The following DYNC2I2 variants were observed in gnomAD, a reference collection of about 807,000 sequenced individuals.
DYNC2I2 encodes the protein cytoplasmic dynein 2 intermediate chain 2.
DYNC2I2 carries 39 observed loss-of-function variants against 52.0 expected under a neutral mutation model. That is an observed-to-expected ratio of 0.75 (90% confidence interval 0.58 to 0.98). The LOEUF (loss-of-function observed/expected upper bound fraction) is 0.98, where lower values mean the gene tolerates loss of function less well. Ranked by LOEUF, DYNC2I2 falls within the 50% of genes least tolerant of loss-of-function variation. The pLI is 0.00. For missense variants in DYNC2I2, 743 were observed against 728.4 expected (o/e 1.02, Z -0.23); for synonymous variants, 359 against 321.1 (o/e 1.12, Z -1.26).
chr9:128,682,418 T>TAGCATAAGCTA, the DYNC2I2 span, among the ~76,000 whole-genome samples: 1 of 152,086 alleles, frequency 6.6e-6, no homozygotes, highest in Non-Finnish European at 1.5e-5. Flanking sequence ...GGCTTATGCC[T>TAGCATAAGCTA]GTAATACTAG....
At chr9:128,663,265 C>A in the DYNC2I2 span, 1 of 152,172 alleles carries the variant, frequency 6.6e-6, no homozygotes, top group Non-Finnish European at 1.5e-5. Flanking sequence ...TACAGTGGAA[C>A]AACGTGGCCC....
At position 128,633,848 on chromosome 9, in the gene DYNC2I2, C is replaced by T. The variant is rs1213298497; in HGVS notation, c.1507G>A (p.Ala503Thr). The T allele has an allele frequency of 6.2e-7, 1 of 1,613,614 alleles. No individual in the cohort carries two copies. The highest frequency in any genetic ancestry group is 8.5e-7 in the Non-Finnish European group (1 of 1,180,048). ...TGCCACACCTTCACTGTGCCCTGGG[C>T]ATCGCCCGCAGCCAAGAGCTGAGTC... ...QQTQLLAAGD[A>T]QGTVKVWQLS... The change falls in exon 9 of 9, where the codon GCC (alanine) becomes ACC (threonine). Residue 503 changes from alanine (A) to threonine (T), a missense_variant. Physicochemically the swap from Ala to Thr is moderately conservative, Grantham distance 58 (BLOSUM62 0). Coordinates refer to ENST00000372715, the MANE Select transcript of DYNC2I2 (RefSeq NM_052844.4).
chr9:128,681,885 C>G, the DYNC2I2 span, among the ~76,000 whole-genome samples: 1 of 152,122 alleles, frequency 6.6e-6, no homozygotes, highest in Admixed American at 6.6e-5. Flanking sequence ...CCAGCCTGGC[C>G]AACGTGGTGA....
chr9:128,634,110 G>T (rs1278436733), intron 8 of DYNC2I2, 116 bp downstream of exon 8: 1 of 1,557,870 alleles, frequency 6.4e-7, no homozygotes, highest in Non-Finnish European at 8.7e-7. Context: ...GGTTGCTGGA[G>T]GGAAGCCGTC....
rs1318330392 is a variant in DYNC2I2, at chr9:128,650,048, ACTAGTGGTT to A, written c.186+6484_186+6492del. Reference sequence around the variant, plus strand: ...AACTACTGGAAAGCAGCTGGATTAAACTAGTGGTTCTAGTGGTTCTCAAACTTTGCTAAG... The same window carrying A: ...AACTACTGGAAAGCAGCTGGATTAAACTAGTGGTTCTCAAACTTTGCTAAG... On this transcript the variant is annotated intron_variant, in intron 1 of 8. Transcript: ENST00000372715. 1.4e-4 allele frequency among the ~76,000 whole-genome samples: 8 copies of A among 57,562 alleles called. 2 individuals are homozygous for A. The highest frequency in any genetic ancestry group is 2.8e-4 in the African/African-American group (8 of 29,060). The allele number at this position is 57,562 out of a possible 152,430, so 37.8% of individuals were successfully genotyped here.
At chr9:128,679,376 C>A in the DYNC2I2 span, among the ~76,000 whole-genome samples, 1 of 152,158 alleles carries the variant, frequency 6.6e-6, no homozygotes, top group Non-Finnish European at 1.5e-5. Context: ...GTGGCACGTC[C>A]TCCACCTTTT....
At chr9:128,674,110 C>T in the DYNC2I2 span, among the ~76,000 whole-genome samples, 2 of 151,358 alleles carry the variant, frequency 1.3e-5, no homozygotes, top group African/African-American at 2.4e-5. Context: ...ACCTGATCAT[C>T]GCTAGCTAAT....
chr9:128,659,897 A>AG (rs1287156047), upstream of DYNC2I2, among the ~76,000 whole-genome samples: 1 of 151,394 alleles, frequency 6.6e-6, no homozygotes, highest in Non-Finnish European at 1.5e-5. Flanking sequence ...AACAAGAGCA[A>AG]GACTCTGTCT....
the DYNC2I2 span, chr9:128,683,403 C>T: frequency 0.015 from 3,341 of 215,720 alleles, 110 homozygotes; most frequent in African/African-American, 0.072. Flanking sequence ...TTAGCGAAAC[C>T]GGGCAGTGGG....
chr9:128,637,170 G>T, intron 2 of DYNC2I2, 143 bp from the exon 3 acceptor site: 1 of 615,182 alleles, frequency 1.6e-6, no homozygotes, highest in Non-Finnish European at 2.9e-6. Flanking sequence ...AATGTGGCAC[G>T]TTCATCCCCA....
At chr9:128,636,228 G>A (rs1444752358) in intron 4 of DYNC2I2, 53 bp downstream of exon 4, 1 of 1,550,884 alleles carries the variant, frequency 6.4e-7, no homozygotes, top group Non-Finnish European at 8.7e-7. Context: ...CCCTCTGCAG[G>A]GCGGGAAGCT....
Position 128,656,538 on chromosome 9 carries a change from C to T in DYNC2I2, c.186+3G>A. 7.2e-7 allele frequency: 1 copy of T among 1,398,360 alleles called. No individual in the cohort carries two copies. The highest frequency in any genetic ancestry group is 9.3e-7 in the Non-Finnish European group (1 of 1,078,430). 86.6% of individuals were successfully genotyped at this position (1,398,360 alleles called of 1,614,324 possible). A position where few individuals can be genotyped will look rare whatever the true frequency, so the allele number is the denominator to read the frequency against. ...TCGCTCCGCGCGGGGCCCGCGCCCTCACCGTCTCCCAGCGGATGCCCTGGA... is the reference window on the plus strand; with the variant it reads ...TCGCTCCGCGCGGGGCCCGCGCCCTTACCGTCTCCCAGCGGATGCCCTGGA... On this transcript the variant is annotated splice_donor_region_variant and intron_variant, in intron 1 of 8. Coordinates refer to ENST00000372715, the MANE Select transcript of DYNC2I2 (RefSeq NM_052844.4).
intron 1 of DYNC2I2, among the ~76,000 whole-genome samples, chr9:128,642,934 C>G (rs560229634): frequency 4.9e-4 from 74 of 151,784 alleles, no homozygotes; most frequent in Non-Finnish European, 6.5e-4. Flanking sequence ...TGCAGAGGCA[C>G]GAGAAAGGAA....
rs1229200248 is a variant in DYNC2I2, at chr9:128,656,635, C to T, written c.92G>A (p.Gly31Glu). 2 of 1,501,754 alleles carry T rather than the reference C, an allele frequency of 1.3e-6. No homozygotes were observed. Among genetic ancestry groups the T allele is most frequent in the Non-Finnish European group, 1.8e-6 (2 of 1,133,366 alleles). The allele number at this position is 1,501,754 out of a possible 1,614,324, so 93.0% of individuals were successfully genotyped here. ...CTGCAGCGGCCCTGGCCGCCCCGGC[C>T]CCGGGCCGCTCGCAACCCCGACTGT... ...LATVGVASGPGPGRPGPLQDE... is the reference protein window; with the variant it reads ...LATVGVASGPEPGRPGPLQDE... The change falls in exon 1 of 9, where the codon GGG becomes GAG. Residue 31 changes from glycine (G) to glutamate (E), a missense_variant. By Grantham distance (98) the Gly-to-Glu change is moderately conservative. Coordinates refer to ENST00000372715, the MANE Select transcript of DYNC2I2 (RefSeq NM_052844.4).
At chr9:128,661,909 G>A in the DYNC2I2 span, among the ~76,000 whole-genome samples, 1 of 152,042 alleles carries the variant, frequency 6.6e-6, no homozygotes, top group African/African-American at 2.4e-5. Context: ...GGGCGTGGTG[G>A]CAGGCGCCTG....
rs766809441 is a variant in DYNC2I2 at position 128,634,749 on chromosome 9, T to C, written c.1154A>G (p.Gln385Arg). Residue 385 changes from glutamine (Q) to arginine (R), a missense_variant, in exon 7 of 9, where the codon CAG becomes CGG. Transcript: ENST00000372715. ...ACCGCCGTGGGGGGAGAAGGTAAAC[T>C]GTGCTGGGGCCCGCAGGGGCACGGA... ...PSSVPLRAPAQFTFSPHGGPI... is the reference protein window; with the variant it reads ...PSSVPLRAPARFTFSPHGGPI... 37 of 1,602,800 alleles carry C rather than the reference T, an allele frequency of 2.3e-5. No individual in the cohort carries two copies. The highest frequency in any genetic ancestry group is 3.1e-5 in the Non-Finnish European group (36 of 1,175,322).
At chr9:128,652,432 CAAAAAA>C (rs59498068) in intron 1 of DYNC2I2, among the ~76,000 whole-genome samples, 2 of 92,886 alleles carry the variant, frequency 2.2e-5, no homozygotes, top group Admixed American at 1.2e-4. Flanking sequence ...AACTTCATCT[CAAAAAA>C]AAAAAAAAAA....
At chr9:128,657,100 G>C (rs111819913), upstream of DYNC2I2, among the ~76,000 whole-genome samples, 1 of 152,340 alleles carries the variant, frequency 6.6e-6, no homozygotes. Context: ...TGGGAGCGCA[G>C]ATCTGGCTGA....
chr9:128,652,693 G>A (rs545247751), intron 1 of DYNC2I2, among the ~76,000 whole-genome samples: 1 of 150,236 alleles, frequency 6.7e-6, no homozygotes, highest in Admixed American at 6.6e-5. Context: ...GCCCAGGCAA[G>A]TGGATCACCT....
Sources: allele counts gnomAD v4.1 joint callset (sites outside exome capture counted in the v4.1 genomes callset), GRCh38; gene constraint gnomAD v4.1.1; transcripts MANE v1.5; gene names NCBI Gene and HGNC (gene_info 2026-07-23, HGNC 2026-07-21).